The following GOLM2 variants were observed in gnomAD, a reference collection of about 807,000 sequenced individuals.
GOLM2 encodes golgi membrane protein 2.
In GOLM2, 26 loss-of-function variants were observed where a neutral mutation model predicts 55.9. The observed-to-expected ratio is 0.47, with a 90% CI of 0.34 to 0.65. GOLM2 has a LOEUF of 0.65. Ranked by LOEUF, GOLM2 falls within the 30% of genes least tolerant of loss-of-function variation. The probability of loss-of-function intolerance (pLI) is 0.01; values close to 1 mark genes in which losing one functional copy is unlikely to be tolerated. For synonymous variants in GOLM2, 165 were observed against 194.6 expected (o/e 0.85, Z 1.27); for missense variants, 486 against 531.8 (o/e 0.91, Z 0.85).
At chr15:44,395,871 C>G (rs1461661125) in intron 8 of GOLM2, among the ~76,000 whole-genome samples, 1 of 151,918 alleles carries the variant, frequency 6.6e-6, no homozygotes, top group Non-Finnish European at 1.5e-5. Flanking sequence ...AAAAATAAAG[C>G]TATCTTTATT....
chr15:44,372,863 C>G (rs532033720), intron 6 of GOLM2, among the ~76,000 whole-genome samples: 84 of 152,250 alleles, frequency 5.5e-4, no homozygotes, highest in African/African-American at 1.9e-3. Flanking sequence ...GCGCATGCTC[C>G]TGTCTCAAGG....
At chr15:44,314,087 AT>A (rs889638461) in intron 1 of GOLM2, among the ~76,000 whole-genome samples, 1 of 151,946 alleles carries the variant, frequency 6.6e-6, no homozygotes, top group African/African-American at 2.4e-5. Context: ...AATACAAAAA[AT>A]TAGCCGGGTG....
intron 8 of GOLM2, among the ~76,000 whole-genome samples, chr15:44,385,558 A>G (rs1018777601): frequency 4.0e-5 from 6 of 151,756 alleles, no homozygotes; most frequent in Non-Finnish European, 8.8e-5. Flanking sequence ...TTTAAAATTT[A>G]CTTTTAGAGA....
At chr15:44,299,034 T>C (rs867013929) in intron 1 of GOLM2, among the ~76,000 whole-genome samples, 21 of 152,144 alleles carry the variant, frequency 1.4e-4, no homozygotes, top group Admixed American at 1.4e-3. Flanking sequence ...ATTGGAGTTA[T>C]GTTTCCACAA....
chr15:44,409,626 A>AC, intron 9 of GOLM2: 1 of 111,504 alleles, frequency 9.0e-6, no homozygotes, highest in East Asian at 2.9e-4. Flanking sequence ...AAAAAAAAAA[A>AC]TGCTGGGCGC....
chr15:44,328,597 A>G (rs923208911), intron 2 of GOLM2, 88 bp from the exon 3 acceptor site: 3 of 741,208 alleles, frequency 4.0e-6, no homozygotes, highest in African/African-American at 1.8e-5. Context: ...AGAATTATGT[A>G]TAATTAAAAA....
intron 6 of GOLM2, among the ~76,000 whole-genome samples, chr15:44,361,174 G>T (rs1209913188): frequency 6.6e-6 from 1 of 151,430 alleles, no homozygotes; most frequent in African/African-American, 2.4e-5. Context: ...ACATTCAAAA[G>T]CTAGCAGAAG....
At chr15:44,294,194 A>G (rs1334181096) in intron 1 of GOLM2, among the ~76,000 whole-genome samples, 1 of 152,182 alleles carries the variant, frequency 6.6e-6, no homozygotes, top group Admixed American at 6.5e-5. Context: ...TAGATGCTCT[A>G]GGCCTATCTA....
chr15:44,318,570 G>A (rs1311758592), intron 1 of GOLM2, among the ~76,000 whole-genome samples: 1 of 152,134 alleles, frequency 6.6e-6, no homozygotes, highest in Non-Finnish European at 1.5e-5. Flanking sequence ...TTAGCTGTGT[G>A]TGGTGGTATG....
At chr15:44,396,602 ATGTCTTACAGAATGT>A (rs1242797882) in intron 8 of GOLM2, among the ~76,000 whole-genome samples, 5 of 152,098 alleles carry the variant, frequency 3.3e-5, no homozygotes, top group Non-Finnish European at 5.9e-5. Flanking sequence ...GATATTTGAG[ATGTCTTACAGAATGT>A]CTAGCATTCT....
intron 8 of GOLM2, among the ~76,000 whole-genome samples, chr15:44,383,944 G>A (rs1595660987): frequency 6.6e-6 from 1 of 152,066 alleles, no homozygotes; most frequent in South Asian, 2.1e-4. Context: ...CTCCCAAAAT[G>A]CTGGGATTAC....
rs1330759646 is a variant in GOLM2, at chr15:44,400,438, C to T, written c.1073-2449C>T. On this transcript the variant is annotated intron_variant, in intron 8 of 9. Coordinates refer to ENST00000299957, the MANE Select transcript of GOLM2 (RefSeq NM_138423.4). ...GGTTCCAGTGATTCTCCTGCCTCAG[C>T]CTCCCAAGTAGCTGGATTACAGGCA... is the stretch of plus-strand genomic sequence containing the variant. Among the ~76,000 whole-genome samples, 15 of 151,900 alleles carry T rather than the reference C, an allele frequency of 9.9e-5. 1 individual carries two copies. The highest frequency in any genetic ancestry group is 1.5e-5 in the Non-Finnish European group (1 of 67,966).
chr15:44,358,753 A>G (rs944602160), intron 6 of GOLM2, among the ~76,000 whole-genome samples: 1 of 152,238 alleles, frequency 6.6e-6, no homozygotes, highest in African/African-American at 2.4e-5. Flanking sequence ...AAACTAGAAG[A>G]CAACAAGAGA....
chr15:44,359,819 A>T (rs1265953413), intron 6 of GOLM2, among the ~76,000 whole-genome samples: 1 of 152,228 alleles, frequency 6.6e-6, no homozygotes, highest in African/African-American at 2.4e-5. Context: ...CGGGTTACCC[A>T]CAAAGGGAAG....
At chr15:44,384,487 C>T in intron 8 of GOLM2, among the ~76,000 whole-genome samples, 1 of 152,104 alleles carries the variant, frequency 6.6e-6, no homozygotes. Flanking sequence ...TGACTCAAGC[C>T]TGTAATCCCA....
intron 9 of GOLM2, among the ~76,000 whole-genome samples, chr15:44,407,422 C>T (rs969475874): frequency 2.0e-5 from 3 of 151,436 alleles, no homozygotes; most frequent in African/African-American, 7.3e-5. Context: ...TGCACCACCA[C>T]GGCTGGCTAG....
intron 8 of GOLM2, among the ~76,000 whole-genome samples, chr15:44,395,414 A>C (rs1287856646): frequency 6.6e-6 from 1 of 152,052 alleles, no homozygotes; most frequent in Non-Finnish European, 1.5e-5. Context: ...TTTGACTTAT[A>C]GTACAGAATT....
chr15:44,376,018 C>T (rs1044241079), intron 6 of GOLM2, among the ~76,000 whole-genome samples: 1 of 152,132 alleles, frequency 6.6e-6, no homozygotes, highest in Non-Finnish European at 1.5e-5. Flanking sequence ...GGGCGGATCA[C>T]CTGAGGTCAG....
chr15:44,403,964 TCTG>T (rs1230413889), intron 9 of GOLM2, among the ~76,000 whole-genome samples: 1 of 152,224 alleles, frequency 6.6e-6, no homozygotes, highest in African/African-American at 2.4e-5. Context: ...CTGTGTTACT[TCTG>T]CTGAGCATTT....
Sources: allele counts gnomAD v4.1 joint callset (sites outside exome capture counted in the v4.1 genomes callset), GRCh38; gene constraint gnomAD v4.1.1; transcripts MANE v1.5; gene names NCBI Gene and HGNC (gene_info 2026-07-23, HGNC 2026-07-21).